The following AVL9 variants were observed in gnomAD, a reference collection of about 807,000 sequenced individuals.
AVL9 encodes the protein AVL9 cell migration associated, also known as late secretory pathway protein AVL9 homolog.
In AVL9, 49 loss-of-function variants were observed where a neutral mutation model predicts 79.2. The observed-to-expected ratio is 0.62, with a 90% CI of 0.49 to 0.79. AVL9 has a LOEUF of 0.79. Among genes scored for constraint, AVL9 ranks in the 30% least tolerant of loss-of-function variants. AVL9 has a pLI of 0.00. For missense variants in AVL9, 682 were observed against 776.8 expected (o/e 0.88, Z 1.45); for synonymous variants, 299 against 280.6 (o/e 1.07, Z -0.65).
At chr7:32,546,693 C>T (rs975447767) in intron 3 of AVL9, among the ~76,000 whole-genome samples, 3 of 151,950 alleles carry the variant, frequency 2.0e-5, no homozygotes, top group African/African-American at 7.3e-5. Context: ...TGTGGCAGCG[C>T]ACGCCTGTAG....
At chr7:32,511,091 C>T (rs892590342) in intron 1 of AVL9, among the ~76,000 whole-genome samples, 7 of 144,920 alleles carry the variant, frequency 4.8e-5, no homozygotes, top group African/African-American at 1.8e-4. Context: ...TGAACTGCCC[C>T]AGTATGAGGG....
chr7:32,505,953 CAA>C (rs1384744942), intron 1 of AVL9, among the ~76,000 whole-genome samples: 1 of 152,128 alleles, frequency 6.6e-6, no homozygotes, highest in African/African-American at 2.4e-5. Context: ...TAAGCAACAG[CAA>C]AGATTCTAAG....
chr7:32,544,804 A>C (rs1789400049), intron 3 of AVL9, 25 bp downstream of exon 3: 1 of 1,557,324 alleles, frequency 6.4e-7, no homozygotes, highest in Non-Finnish European at 8.8e-7. Context: ...AGTGAAAAAC[A>C]ATTCCAAAGT....
In AVL9 at chr7:32,559,433, A is replaced by T; in HGVS notation, c.1184A>T (p.Gln395Leu). The change falls in exon 10 of 16, where the codon CAG becomes CTG. Residue 395 changes from glutamine to leucine, a missense_variant. Physicochemically the swap from Gln to Leu is moderately radical, Grantham distance 113. Coordinates refer to ENST00000318709, the MANE Select transcript of AVL9 (RefSeq NM_015060.3). ...CTCATTTCGGGTTTGGAAGAGGATCAGTATGGCATGCCCCTGGCCATCTTC... is the reference window on the plus strand; with the variant it reads ...CTCATTTCGGGTTTGGAAGAGGATCTGTATGGCATGCCCCTGGCCATCTTC... ...PGLISGLEED[Q>L]YGMPLAIFTK... 2 of 1,590,520 alleles carry T rather than the reference A, an allele frequency of 1.3e-6. No individual in the cohort carries two copies. The highest frequency in any genetic ancestry group is 1.7e-6 in the Non-Finnish European group (2 of 1,169,496).
At chr7:32,529,047 TG>T (rs1276422706) in intron 1 of AVL9, among the ~76,000 whole-genome samples, 1 of 152,218 alleles carries the variant, frequency 6.6e-6, no homozygotes, top group Non-Finnish European at 1.5e-5. Context: ...CTAAGCATTG[TG>T]TTAGTTGTGT....
At chr7:32,538,383 G>A (rs1789013566) in intron 1 of AVL9, 1 of 152,140 alleles carries the variant, frequency 6.6e-6, no homozygotes, top group Non-Finnish European at 1.5e-5. Flanking sequence ...ATTAAAAGTA[G>A]AGGTAGTATG....
At chr7:32,548,798 A>C in intron 3 of AVL9, 49 bp from the exon 4 acceptor site, 1 of 1,274,230 alleles carries the variant, frequency 7.8e-7, no homozygotes, top group Non-Finnish European at 1.1e-6. Flanking sequence ...AATATTTTTG[A>C]AATATTGCTA....
intron 1 of AVL9, chr7:32,534,128 A>G (rs546919118): frequency 3.9e-5 from 6 of 152,318 alleles, no homozygotes; most frequent in African/African-American, 1.4e-4. Context: ...TTCATTTAGC[A>G]TTTAGAAAAA....
At chr7:32,541,458 T>C (rs1461054742) in intron 1 of AVL9, among the ~76,000 whole-genome samples, 1 of 152,120 alleles carries the variant, frequency 6.6e-6, no homozygotes, top group East Asian at 1.9e-4. Context: ...ATATAAAATA[T>C]AATTATTTAT....
intron 1 of AVL9, among the ~76,000 whole-genome samples, chr7:32,503,111 C>T (rs1360061060): frequency 1.3e-5 from 2 of 151,490 alleles, no homozygotes; most frequent in Non-Finnish European, 2.9e-5. Flanking sequence ...GTTTCTGGTT[C>T]TTGGCAGTTT....
intron 7 of AVL9, 80 bp from the exon 8 acceptor site, chr7:32,554,478 G>T (rs768337850): frequency 1.4e-4 from 120 of 838,890 alleles, no homozygotes; most frequent in Non-Finnish European, 1.4e-4. Context: ...ACTGATTATG[G>T]TTATGTTTTA....
At chr7:32,540,924 A>G (rs1789162416) in intron 1 of AVL9, among the ~76,000 whole-genome samples, 2 of 98,504 alleles carry the variant, frequency 2.0e-5, no homozygotes, top group Admixed American at 1.7e-4. Context: ...TTTGAGACGG[A>G]GTCTCGCTCT....
chr7:32,528,964 C>T (rs1379823679), intron 1 of AVL9, among the ~76,000 whole-genome samples: 5 of 152,088 alleles, frequency 3.3e-5, no homozygotes, highest in African/African-American at 9.7e-5. Context: ...GAGCCAAGAT[C>T]GCGCCACTGC....
At chr7:32,578,665 C>T (rs1305163454) in intron 13 of AVL9, among the ~76,000 whole-genome samples, 1 of 151,804 alleles carries the variant, frequency 6.6e-6, no homozygotes, top group South Asian at 2.1e-4. Flanking sequence ...AAAAAGTAGC[C>T]GGGTGTGGTG....
chr7:32,542,184 CTT>C (rs113254142), intron 1 of AVL9, among the ~76,000 whole-genome samples: 147 of 138,082 alleles, frequency 1.1e-3, no homozygotes, highest in Middle Eastern at 3.7e-3. Flanking sequence ...TTTTACAGTC[CTT>C]TTTTTTTTTT....
chr7:32,572,425 G>C (rs945830188), intron 11 of AVL9, among the ~76,000 whole-genome samples: 1 of 150,034 alleles, frequency 6.7e-6, no homozygotes, highest in African/African-American at 2.5e-5. Context: ...GGGTTCGTAG[G>C]AATTTCTTTT....
At chr7:32,550,837 A>G (rs1361104322) in intron 4 of AVL9, among the ~76,000 whole-genome samples, 2 of 152,220 alleles carry the variant, frequency 1.3e-5, no homozygotes, top group Non-Finnish European at 2.9e-5. Flanking sequence ...ACAAGCTGTT[A>G]TAAGGATGAT....
At chr7:32,526,514 G>A (rs1002310372) in intron 1 of AVL9, among the ~76,000 whole-genome samples, 8 of 152,286 alleles carry the variant, frequency 5.3e-5, no homozygotes, top group African/African-American at 1.9e-4. Flanking sequence ...CAGGGACAGA[G>A]GGGCCCAAAG....
intron 8 of AVL9, among the ~76,000 whole-genome samples, chr7:32,556,295 C>G (rs1693433131): frequency 6.6e-6 from 1 of 152,084 alleles, no homozygotes; most frequent in African/African-American, 2.4e-5. Context: ...TGGGTGATCA[C>G]TTGAGGTCAG....
Sources: gnomAD v4.1 joint callset for allele counts (sites outside exome capture counted in the v4.1 genomes callset) on GRCh38, gnomAD v4.1.1 for gene constraint, MANE v1.5 for transcripts, NCBI Gene and HGNC (gene_info 2026-07-23, HGNC 2026-07-21) for gene names.